Variants in PIP4K2A observed in about 807,000 individuals in gnomAD.
PIP4K2A encodes the protein phosphatidylinositol 5-phosphate 4-kinase type-2 alpha.
A neutral mutation model predicts 42.9 loss-of-function variants in PIP4K2A; 14 were observed. The observed-to-expected ratio is 0.33, with a 90% CI of 0.22 to 0.51. PIP4K2A has a LOEUF of 0.51. PIP4K2A is among the 20% of genes least tolerant of loss of function. The pLI is 0.97. For missense variants in PIP4K2A, 434 were observed against 519.8 expected, an observed-to-expected ratio of 0.83 and a Z score of 1.61; for synonymous variants, 192 against 192.2, an observed-to-expected ratio of 1.00 and a Z score of 0.01.
Position 22,627,591 on chromosome 10 carries a change from TAAAAAAAAAAAAAAAAAAAA to T in PIP4K2A, c.145-17894_145-17875del, listed in dbSNP as rs57671642. ...TGTTTAACCAAAAGCTAATATGTAA[TAAAAAAAAAAAAAAAAAAAA>T]AAAAAAAAAAAAAAAAAAAAGATAA... On this transcript the variant is annotated intron_variant, in intron 1 of 9. Transcript: ENST00000376573. Among the ~76,000 whole-genome samples the T allele has an allele frequency of 8.1e-3, 464 of 57,044 alleles. 1 individual carries two copies. Among genetic ancestry groups the T allele is most frequent in the African/African-American group, 0.026 (409 of 15,476 alleles). The allele number at this position is 57,044 out of a possible 152,430, so 37.4% of individuals were successfully genotyped here. A position where few individuals can be genotyped will look rare whatever the true frequency, so the allele number is the denominator to read the frequency against.
At chr10:22,544,489 TCTCTCTACAC>T (rs1408237255) in intron 7 of PIP4K2A, among the ~76,000 whole-genome samples, 2 of 151,938 alleles carry the variant, frequency 1.3e-5, no homozygotes, top group Non-Finnish European at 2.9e-5. Context: ...CCCTGGCCTC[TCTCTCTACAC>T]CTGGAAGCCT....
intron 1 of PIP4K2A, among the ~76,000 whole-genome samples, chr10:22,653,372 A>G (rs1228137346): frequency 6.6e-6 from 1 of 152,130 alleles, no homozygotes; most frequent in Non-Finnish European, 1.5e-5. Flanking sequence ...ACTGCAGGAT[A>G]CCGTAAGACC....
At chr10:22,614,707 ATCAT>A (rs1177071729) in intron 1 of PIP4K2A, among the ~76,000 whole-genome samples, 11 of 152,228 alleles carry the variant, frequency 7.2e-5, no homozygotes, top group Admixed American at 2.6e-4. Context: ...AGGCTTAGCG[ATCAT>A]TCGTCAGTTT....
At chr10:22,658,947 T>C (rs892033875) in intron 1 of PIP4K2A, among the ~76,000 whole-genome samples, 3 of 152,212 alleles carry the variant, frequency 2.0e-5, no homozygotes, top group African/African-American at 7.2e-5. Context: ...AAGGGCTCCA[T>C]AGGGTTCCTA....
intron 1 of PIP4K2A, among the ~76,000 whole-genome samples, chr10:22,685,901 TTTG>T (rs1409219978): frequency 6.6e-6 from 1 of 152,182 alleles, no homozygotes; most frequent in Non-Finnish European, 1.5e-5. Flanking sequence ...AGTTACCTAT[TTTG>T]TTGTTTGTAA....
intron 3 of PIP4K2A, among the ~76,000 whole-genome samples, chr10:22,605,561 C>T (rs1197576924): frequency 1.3e-5 from 2 of 152,088 alleles, no homozygotes; most frequent in Admixed American, 1.3e-4. Flanking sequence ...GAACTCAGAC[C>T]ATAATGGGTT....
intron 1 of PIP4K2A, among the ~76,000 whole-genome samples, chr10:22,688,832 T>C (rs1297325411): frequency 6.6e-6 from 1 of 152,188 alleles, no homozygotes; most frequent in Non-Finnish European, 1.5e-5. Context: ...CTGGTACAAT[T>C]AGTGGTTTAT....
At chr10:22,540,946 TGAGCAAAACA>T (rs1284167808) in intron 8 of PIP4K2A, among the ~76,000 whole-genome samples, 8 of 152,302 alleles carry the variant, frequency 5.3e-5, no homozygotes, top group African/African-American at 1.9e-4. Flanking sequence ...AACATTTTGG[TGAGCAAAACA>T]GAACAAAACA....
At chr10:22,700,953 A>C (rs1325663443) in intron 1 of PIP4K2A, among the ~76,000 whole-genome samples, 1 of 152,250 alleles carries the variant, frequency 6.6e-6, no homozygotes, top group Non-Finnish European at 1.5e-5. Flanking sequence ...GAAGGAGAGA[A>C]GTATAGAAGC....
intron 1 of PIP4K2A, among the ~76,000 whole-genome samples, chr10:22,638,255 C>T (rs1750771): frequency 0.065 from 9,899 of 152,178 alleles, 484 homozygotes; most frequent in African/African-American, 0.14. Flanking sequence ...TAAAATACCC[C>T]ATATAAAATT....
chr10:22,590,219 G>A (rs888326815), intron 4 of PIP4K2A, among the ~76,000 whole-genome samples: 1 of 152,156 alleles, frequency 6.6e-6, no homozygotes, highest in Non-Finnish European at 1.5e-5. Context: ...TGTCATTTAA[G>A]CTACCCAGTC....
intron 1 of PIP4K2A, among the ~76,000 whole-genome samples, chr10:22,664,170 T>TATATATATATATAC (rs1839293357): frequency 1.6e-5 from 1 of 61,818 alleles, no homozygotes; most frequent in Non-Finnish European, 2.7e-5. Context: ...TATATATACA[T>TATATATATATATAC]ATATATATAT....
chr10:22,606,907 G>A (rs1015746137), intron 3 of PIP4K2A, among the ~76,000 whole-genome samples: 15 of 152,130 alleles, frequency 9.9e-5, no homozygotes, highest in African/African-American at 3.4e-4. Context: ...TCTTGGGGAT[G>A]GGACCCAAGT....
chr10:22,596,205 C>CA (rs10681238), intron 3 of PIP4K2A, among the ~76,000 whole-genome samples: 5,154 of 69,672 alleles, frequency 0.074, 641 homozygotes, highest in African/African-American at 0.23. Context: ...AACTCCGTCT[C>CA]AAAAAAAAAA....
At chr10:22,582,631 C>T (rs937979443) in intron 4 of PIP4K2A, among the ~76,000 whole-genome samples, 3 of 151,716 alleles carry the variant, frequency 2.0e-5, no homozygotes, top group African/African-American at 7.3e-5. Flanking sequence ...ATCTGTAATC[C>T]TTACTGTGCC....
At chr10:22,634,265 T>A (rs949036133) in intron 1 of PIP4K2A, among the ~76,000 whole-genome samples, 2 of 152,202 alleles carry the variant, frequency 1.3e-5, no homozygotes, top group Non-Finnish European at 2.9e-5. Context: ...TGCTGGCCAA[T>A]CTAAAACTAT....
In PIP4K2A at chr10:22,608,016, T is replaced by A. The variant is rs1051907479; in HGVS notation, c.250A>T (p.Met84Leu). ...TCCTTAAACTTGAAATGGCTCGGCA[T>A]GTTTTCTCTGAAACAGTCACAGCGT... ...VDNHLFNKENMPSHFKFKEYC... is the reference protein window; with the variant it reads ...VDNHLFNKENLPSHFKFKEYC... Residue 84 changes from methionine (M) to leucine (L), a missense_variant, in exon 3 of 10, where the codon ATG (methionine) becomes TTG (leucine). Physicochemically the swap from Met to Leu is conservative, Grantham distance 15. Coordinates refer to ENST00000376573, the MANE Select transcript of PIP4K2A (RefSeq NM_005028.5). 7 of 1,606,012 alleles carry A rather than the reference T, an allele frequency of 4.4e-6. No individual in the cohort carries two copies. Among genetic ancestry groups the A allele is most frequent in the African/African-American group, 2.7e-5 (2 of 74,762 alleles).
intron 7 of PIP4K2A, among the ~76,000 whole-genome samples, chr10:22,548,235 A>C (rs1244559841): frequency 6.6e-6 from 1 of 152,240 alleles, no homozygotes; most frequent in African/African-American, 2.4e-5. Context: ...ATATTTTTAA[A>C]TGAAAGGATG....
chr10:22,555,399 AGT>A (rs1402914160), intron 6 of PIP4K2A, among the ~76,000 whole-genome samples: 2 of 152,244 alleles, frequency 1.3e-5, no homozygotes, highest in East Asian at 1.9e-4. Flanking sequence ...CCTGCCACAC[AGT>A]GTGTTATATA....
Sources: gnomAD v4.1 joint callset for allele counts (sites outside exome capture counted in the v4.1 genomes callset) on GRCh38, gnomAD v4.1.1 for gene constraint, MANE v1.5 for transcripts, NCBI Gene and HGNC (gene_info 2026-07-23, HGNC 2026-07-21) for gene names.